The following PRUNE2 variants were observed in gnomAD, a reference collection of about 807,000 sequenced individuals.
PRUNE2 encodes the protein prune homolog 2 with BCH domain.
In PRUNE2, 164 loss-of-function variants were observed where a neutral mutation model predicts 252.0. That is an observed-to-expected ratio of 0.65 (90% CI 0.57 to 0.74). The LOEUF (loss-of-function observed/expected upper bound fraction) is 0.74. PRUNE2 is among the 30% of genes least tolerant of loss of function. The pLI, the probability that PRUNE2 is intolerant of heterozygous loss-of-function variation, is 0.00. For missense variants in PRUNE2, 3,495 were observed against 3,711.0 expected, an observed-to-expected ratio of 0.94 and a Z score of 1.51; for synonymous variants, 1,292 against 1,350.2, an observed-to-expected ratio of 0.96 and a Z score of 0.94.
chr9:76,615,777 T>TTTTG (rs1047995178), intron 18 of PRUNE2, among the ~76,000 whole-genome samples: 8 of 139,456 alleles, frequency 5.7e-5, no homozygotes, highest in African/African-American at 2.1e-4. Flanking sequence ...TGGTTTTTTT[T>TTTTG]TTTTTTTTTT....
intron 9 of PRUNE2, among the ~76,000 whole-genome samples, chr9:76,664,545 G>A (rs184397563): frequency 6.6e-6 from 1 of 152,296 alleles, no homozygotes; most frequent in African/African-American, 2.4e-5. Context: ...TTTTGAGACA[G>A]GGTCTTGCTG....
intron 1 of PRUNE2, among the ~76,000 whole-genome samples, chr9:76,890,887 G>T (rs972927896): frequency 6.6e-6 from 1 of 152,090 alleles, no homozygotes; most frequent in Non-Finnish European, 1.5e-5. Flanking sequence ...TTATGTTTGC[G>T]GTTTTCTTTA....
At chr9:76,849,828 A>AAAAAC (rs112402365) in intron 3 of PRUNE2, among the ~76,000 whole-genome samples, 36,610 of 151,072 alleles carry the variant, frequency 0.24, 4,898 homozygotes, top group African/African-American at 0.37. Flanking sequence ...TCTGTCTCAA[A>AAAAAC]AAAACAAAAC....
chr9:76,716,823 C>T (rs1288296328), intron 6 of PRUNE2, among the ~76,000 whole-genome samples: 4 of 151,964 alleles, frequency 2.6e-5, no homozygotes, highest in Admixed American at 2.0e-4. Context: ...CCCCAACCCC[C>T]CAACAGGCCC....
At chr9:76,701,446 CACTG>C (rs1564076506) in intron 9 of PRUNE2, among the ~76,000 whole-genome samples, 1 of 152,202 alleles carries the variant, frequency 6.6e-6, no homozygotes, top group Non-Finnish European at 1.5e-5. Context: ...CACAATTGAA[CACTG>C]ACTGTCATCT....
chr9:76,700,270 A>C (rs1402157601), intron 9 of PRUNE2: 1 of 152,236 alleles, frequency 6.6e-6, no homozygotes, highest in Non-Finnish European at 1.5e-5. Context: ...CTGGTGAGTC[A>C]TATTGCACAT....
At chr9:76,799,341 CAAA>C (rs71354683) in intron 6 of PRUNE2, among the ~76,000 whole-genome samples, 14 of 112,716 alleles carry the variant, frequency 1.2e-4, no homozygotes, top group Admixed American at 9.4e-5. Context: ...AACTCTGTCT[CAAA>C]AAAAAAAAAA....
intron 7 of PRUNE2, among the ~76,000 whole-genome samples, chr9:76,712,123 T>C (rs2135040453): frequency 6.6e-6 from 1 of 152,278 alleles, no homozygotes; most frequent in Admixed American, 6.5e-5. Flanking sequence ...ACCATGGAGC[T>C]CACATAGATA....
Position 76,679,380 on chromosome 9 carries a change from G to C in PRUNE2, c.8277-23878C>G, listed in dbSNP as rs140149602. Among the ~76,000 whole-genome samples the C allele has an allele frequency of 2.7e-3, 418 of 152,272 alleles. 2 individuals carry two copies. The highest frequency in any genetic ancestry group is 9.3e-3 in the African/African-American group (388 of 41,546). On this transcript the variant is annotated intron_variant, in intron 9 of 18. Transcript: ENST00000376718. ...TTCTAAAATTTATTTGAAATTTCAA[G>C]GGACCTCAAATAGCCAAAACAATCT... is the stretch of plus-strand genomic sequence containing the variant.
rs1840661629 is a variant in PRUNE2, at chr9:76,637,468, C to T, written c.8913G>A (p.Arg2971=). The T allele has an allele frequency of 3.1e-6, 5 of 1,613,598 alleles. No homozygotes were observed. The highest frequency in any genetic ancestry group is 1.3e-5 in the African/African-American group (1 of 74,920). The change falls in exon 14 of 19, where the codon AGG becomes AGA. Residue 2971 remains arginine, a synonymous_variant. Coordinates refer to ENST00000376718, the MANE Select transcript of PRUNE2 (RefSeq NM_015225.3). The part of the protein sequence containing the change: ...VYLNGATPRR[R]MPGLGWMKKC... The stretch of plus-strand genomic sequence containing the variant: ...TCTTCATCCAGCCTAGCCCTGGCAT[C>T]CTCCTTCTTGGGGTTGCACCATTCA...
chr9:76,725,459 C>T (rs1028096418), intron 6 of PRUNE2, among the ~76,000 whole-genome samples: 1 of 152,184 alleles, frequency 6.6e-6, no homozygotes, highest in Non-Finnish European at 1.5e-5. Context: ...CTGCTGACAA[C>T]TCATTTGCTA....
intron 9 of PRUNE2, among the ~76,000 whole-genome samples, chr9:76,681,177 T>G (rs1230857021): frequency 2.0e-5 from 3 of 151,954 alleles, no homozygotes; most frequent in Non-Finnish European, 2.9e-5. Flanking sequence ...GAGTCACACA[T>G]GAAAAAACAA....
chr9:76,734,066 T>G (rs752962433), intron 6 of PRUNE2, among the ~76,000 whole-genome samples: 2 of 152,122 alleles, frequency 1.3e-5, no homozygotes, highest in African/African-American at 2.4e-5. Flanking sequence ...GAAGGGCTAC[T>G]CAAGTCTGGG....
chr9:76,894,513 G>C (rs2062692686), intron 1 of PRUNE2, among the ~76,000 whole-genome samples: 1 of 152,146 alleles, frequency 6.6e-6, no homozygotes, highest in African/African-American at 2.4e-5. Context: ...CTGTCCACAT[G>C]CTGTGACATT....
chr9:76,777,075 C>T (rs987804443), intron 6 of PRUNE2, among the ~76,000 whole-genome samples: 3 of 152,002 alleles, frequency 2.0e-5, no homozygotes, highest in Admixed American at 1.3e-4. Flanking sequence ...GCCCTTCTTT[C>T]TCCCCTGCCC....
At chr9:76,698,172 G>A (rs1444468443) in intron 9 of PRUNE2, among the ~76,000 whole-genome samples, 2 of 151,688 alleles carry the variant, frequency 1.3e-5, no homozygotes, top group African/African-American at 2.4e-5. Context: ...TCAGCCTCCC[G>A]AGTAGCTGGG....
chr9:76,675,961 T>G (rs1448751356), intron 9 of PRUNE2, among the ~76,000 whole-genome samples: 2 of 146,858 alleles, frequency 1.4e-5, no homozygotes, highest in African/African-American at 2.5e-5. Flanking sequence ...ATATACCTAA[T>G]GCTAGATGAC....
At chr9:76,750,066 A>G (rs1420905151) in intron 6 of PRUNE2, among the ~76,000 whole-genome samples, 2 of 152,108 alleles carry the variant, frequency 1.3e-5, no homozygotes, top group Non-Finnish European at 2.9e-5. Flanking sequence ...AGGGTGGTGC[A>G]TTCCAACACC....
intron 16 of PRUNE2, among the ~76,000 whole-genome samples, chr9:76,627,473 G>T (rs1001572617): frequency 6.6e-6 from 1 of 152,068 alleles, no homozygotes; most frequent in African/African-American, 2.4e-5. Context: ...ACCTTTTTGA[G>T]GCAGCAGCCC....
Sources: allele counts gnomAD v4.1 joint callset (sites outside exome capture counted in the v4.1 genomes callset), GRCh38; gene constraint gnomAD v4.1.1; transcripts MANE v1.5; gene names NCBI Gene and HGNC (gene_info 2026-07-23, HGNC 2026-07-21).